KCNH8: variants seen among roughly 807,000 people sequenced by gnomAD.
The protein encoded by KCNH8 is potassium voltage-gated channel subfamily H member 8.
In KCNH8, 70 loss-of-function variants were observed where a neutral mutation model predicts 103.6. The ratio of observed to expected loss-of-function variants is 0.68; its 90% CI spans 0.56 to 0.82. The LOEUF (loss-of-function observed/expected upper bound fraction) is 0.82, where lower values mean the gene tolerates loss of function less well. Among genes scored for constraint, KCNH8 ranks in the 40% least tolerant of loss-of-function variants. KCNH8 has a pLI of 0.00. For missense variants in KCNH8, 1,217 were observed against 1,329.9 expected, an observed-to-expected ratio of 0.92 and a Z score of 1.32; for synonymous variants, 498 against 489.4, an observed-to-expected ratio of 1.02 and a Z score of -0.23.
chr3:19,211,594 A>G (rs77840189), intron 1 of KCNH8, among the ~76,000 whole-genome samples: 6,203 of 152,236 alleles, frequency 0.041, 450 homozygotes, highest in African/African-American at 0.14. Context: ...TCAGGAAAAA[A>G]TAGACCTCAG....
rs147543567 is a variant in KCNH8, at chr3:19,159,896, T to C, written c.76+11101T>C. Among the ~76,000 whole-genome samples the C allele has an allele frequency of 1.0e-2, 1,517 of 152,204 alleles. 28 individuals carry two copies. The highest frequency in any genetic ancestry group is 0.034 in the African/African-American group (1,400 of 41,540). ...AAGTTAGTGGAGTCAGTTGGAAATA[T>C]GGGAAATTATAGTGTATGTATACAT... On this transcript the variant is annotated intron_variant, in intron 1 of 15. Transcript: ENST00000328405.
At chr3:19,318,821 T>A (rs551567520) in intron 3 of KCNH8, among the ~76,000 whole-genome samples, 1 of 151,738 alleles carries the variant, frequency 6.6e-6, no homozygotes, top group Non-Finnish European at 1.5e-5. Flanking sequence ...GTCTATTACT[T>A]TATGATTTTT....
At chr3:19,519,708 C>A (rs1211985774) in intron 15 of KCNH8, among the ~76,000 whole-genome samples, 1 of 151,768 alleles carries the variant, frequency 6.6e-6, no homozygotes, top group African/African-American at 2.4e-5. Context: ...TAATGCAACT[C>A]CCCGTTGGAG....
At chr3:19,202,186 C>T (rs1018284328) in intron 1 of KCNH8, among the ~76,000 whole-genome samples, 9 of 152,042 alleles carry the variant, frequency 5.9e-5, no homozygotes, top group South Asian at 4.1e-4. Context: ...TTGCTTAGGC[C>T]GGTCCTGGCT....
chr3:19,450,759 A>T lies in KCNH8; in HGVS notation c.1576-396A>T, dbSNP rs533375892. The T allele has an allele frequency of 5.7e-3, 1,533 of 268,370 alleles. 9 individuals carry two copies. Among genetic ancestry groups the T allele is most frequent in the Non-Finnish European group, 8.1e-3 (1,136 of 139,716 alleles). 16.6% of individuals were successfully genotyped at this position (268,370 alleles called of 1,614,324 possible). On this transcript the variant is annotated intron_variant, in intron 9 of 15. Coordinates refer to ENST00000328405, the MANE Select transcript of KCNH8 (RefSeq NM_144633.3). ...ATATAAATCAACGAACCATTTCATC[A>T]ACCCACCAGCCAAACCTGTAACCAA...
intron 7 of KCNH8, among the ~76,000 whole-genome samples, chr3:19,403,525 G>C (rs2066647486): frequency 6.6e-6 from 1 of 150,426 alleles, no homozygotes; most frequent in South Asian, 2.1e-4. Flanking sequence ...AGATTAATAA[G>C]TCTATGGGTA....
intron 7 of KCNH8, among the ~76,000 whole-genome samples, chr3:19,429,159 ACT>A (rs1277917531): frequency 1.7e-4 from 19 of 109,688 alleles, no homozygotes; most frequent in Non-Finnish European, 3.2e-4. Flanking sequence ...GTCAGAATCC[ACT>A]CTTTTTTTTT....
At chr3:19,318,930 A>T (rs2065313499) in intron 3 of KCNH8, among the ~76,000 whole-genome samples, 2 of 151,640 alleles carry the variant, frequency 1.3e-5, no homozygotes, top group South Asian at 4.1e-4. Flanking sequence ...TTCCATATGC[A>T]TGTTGGCCAT....
At chr3:19,151,137 A>G (rs1243704447) in intron 1 of KCNH8, among the ~76,000 whole-genome samples, 3 of 151,900 alleles carry the variant, frequency 2.0e-5, no homozygotes, top group Non-Finnish European at 4.4e-5. Context: ...TTTTCCAGCT[A>G]GCTATTTACT....
intron 5 of KCNH8, 129 bp from the exon 6 acceptor site, chr3:19,390,352 C>T: frequency 2.3e-5 from 14 of 614,584 alleles, no homozygotes; most frequent in South Asian, 6.8e-5. Context: ...CGATTTTCTT[C>T]CTCCCTTCCT....
chr3:19,349,573 A>G (rs1354640769), intron 5 of KCNH8, among the ~76,000 whole-genome samples: 1 of 152,112 alleles, frequency 6.6e-6, no homozygotes, highest in Non-Finnish European at 1.5e-5. Flanking sequence ...TTATTAGGTC[A>G]AGTTATATCT....
At chr3:19,359,191 G>A (rs143819506) in intron 5 of KCNH8, among the ~76,000 whole-genome samples, 1 of 151,902 alleles carries the variant, frequency 6.6e-6, no homozygotes, top group African/African-American at 2.4e-5. Flanking sequence ...GATCTGTTAT[G>A]TAAATACTAA....
intron 1 of KCNH8, among the ~76,000 whole-genome samples, chr3:19,220,572 G>A (rs551115518): frequency 6.7e-6 from 1 of 150,354 alleles, no homozygotes; most frequent in Admixed American, 6.6e-5. Context: ...CTACACAGAT[G>A]TGGGAAACAT....
intron 1 of KCNH8, among the ~76,000 whole-genome samples, chr3:19,185,925 A>C (rs147867600): frequency 1.2e-3 from 190 of 152,130 alleles, no homozygotes; most frequent in African/African-American, 4.4e-3. Flanking sequence ...TTCAATGTAC[A>C]TACACACATG....
chr3:19,464,897 A>C (rs1477560729), intron 11 of KCNH8, among the ~76,000 whole-genome samples: 1 of 152,170 alleles, frequency 6.6e-6, no homozygotes. Context: ...AAAATAATTT[A>C]ATAAATTATA....
At chr3:19,458,716 C>G (rs2067573334) in intron 11 of KCNH8, among the ~76,000 whole-genome samples, 1 of 152,042 alleles carries the variant, frequency 6.6e-6, no homozygotes, top group African/African-American at 2.4e-5. Flanking sequence ...AGCTTAAACT[C>G]TGTATCCTTT....
chr3:19,335,605 G>T (rs77961882), intron 3 of KCNH8, among the ~76,000 whole-genome samples: 1,891 of 151,160 alleles, frequency 0.013, 39 homozygotes, highest in African/African-American at 0.042. Context: ...GTTGTCAAAA[G>T]AATTATTTGT....
At chr3:19,212,900 GAAGAGAATCTTA>G (rs1340959028) in intron 1 of KCNH8, among the ~76,000 whole-genome samples, 1 of 152,160 alleles carries the variant, frequency 6.6e-6, no homozygotes, top group Non-Finnish European at 1.5e-5. Flanking sequence ...TTGGGTCTCA[GAAGAGAATCTTA>G]AAGAATATCT....
At chr3:19,287,500 T>C (rs1460671260) in intron 3 of KCNH8, among the ~76,000 whole-genome samples, 1 of 152,218 alleles carries the variant, frequency 6.6e-6, no homozygotes, top group Non-Finnish European at 1.5e-5. Flanking sequence ...TTGTATGCTC[T>C]TAGCTCAAGT....
Sources: allele counts gnomAD v4.1 joint callset (sites outside exome capture counted in the v4.1 genomes callset), GRCh38; gene constraint gnomAD v4.1.1; transcripts MANE v1.5; gene names NCBI Gene and HGNC (gene_info 2026-07-23, HGNC 2026-07-21).